Variants in CFHR5 observed in about 807,000 individuals in gnomAD.
CFHR5 encodes the protein complement factor H related 5, also known as complement factor H-related protein 5.
CFHR5 carries 73 observed loss-of-function variants against 62.9 expected under a neutral mutation model. That is an observed-to-expected ratio of 1.16 (90% CI 0.96 to 1.41). The LOEUF (loss-of-function observed/expected upper bound fraction) is 1.41. Ranked by LOEUF, CFHR5 falls within the 40% of genes most tolerant of loss-of-function variation. The probability of loss-of-function intolerance (pLI) is 0.00; values close to 1 mark genes in which losing one functional copy is unlikely to be tolerated. For missense variants in CFHR5, 779 were observed against 679.9 expected, an observed-to-expected ratio of 1.15 and a Z score of -1.62; for synonymous variants, 249 against 227.2, an observed-to-expected ratio of 1.10 and a Z score of -0.86.
chr1:196,981,065 A>G (rs991178778), intron 1 of CFHR5, among the ~76,000 whole-genome samples: 1 of 152,154 alleles, frequency 6.6e-6, no homozygotes, highest in Non-Finnish European at 1.5e-5. Context: ...GTTAAATACC[A>G]CAAGAATTAT....
rs373760214 is a variant in CFHR5, at chr1:196,991,447, T to C, written c.431-2633T>C. Among the ~76,000 whole-genome samples the C allele has an allele frequency of 4.7e-4, 72 of 152,332 alleles. 1 individual carries two copies. The East Asian group carries it at 7.5e-3, about 16-fold the overall frequency. Reference sequence around the variant, plus strand: ...TGATCCTTTGGAGGAGAAGAGACACTCTGGTTTTTAGAATTTTCAGTTTTT... The same window carrying C: ...TGATCCTTTGGAGGAGAAGAGACACCCTGGTTTTTAGAATTTTCAGTTTTT... On this transcript the variant is annotated intron_variant, in intron 3 of 9. Transcript: ENST00000256785.
intron 3 of CFHR5, among the ~76,000 whole-genome samples, chr1:196,987,096 G>A (rs542983397): frequency 6.6e-6 from 1 of 152,132 alleles, no homozygotes; most frequent in South Asian, 2.1e-4. Flanking sequence ...TTGTGGTTTT[G>A]ATTTGCATTT....
At position 196,994,191 on chromosome 1, in the gene CFHR5, G is replaced by A; in HGVS notation, c.542G>A (p.Arg181Lys). ...TTCTCCTGCAGAAAAAATCTTATAAGAGTTGGATCAGACTCAGTTCAATGT... is the reference window on the plus strand; with the variant it reads ...TTCTCCTGCAGAAAAAATCTTATAAAAGTTGGATCAGACTCAGTTCAATGT... Reference protein sequence around the residue: ...LKFSCRKNLIRVGSDSVQCYQ... With the variant: ...LKFSCRKNLIKVGSDSVQCYQ... Residue 181 changes from arginine (R) to lysine (K), a missense_variant, in exon 4 of 10, where the codon AGA becomes AAA. Arg to Lys is a conservative substitution (Grantham distance 26). Coordinates refer to ENST00000256785, the MANE Select transcript of CFHR5 (RefSeq NM_030787.4). The A allele has an allele frequency of 6.2e-7, 1 of 1,613,622 alleles. No individual in the cohort carries two copies. Among genetic ancestry groups the A allele is most frequent in the Non-Finnish European group, 8.5e-7 (1 of 1,179,752 alleles).
In CFHR5 at chr1:197,004,550, A is replaced by C; in HGVS notation, c.1331-111A>C. 3.5e-6 allele frequency: 3 copies of C among 860,534 alleles called. No individual in the cohort carries two copies. In the Admixed American group the frequency reaches 5.5e-5, roughly 16 times the overall value. The allele number at this position is 860,534 out of a possible 1,614,324, so 53.3% of individuals were successfully genotyped here. ...ACTTTATGACAGAAATACTGTAATTAATTATTTGAATTTCCAGACACCTTA... is the reference window on the plus strand; with the variant it reads ...ACTTTATGACAGAAATACTGTAATTCATTATTTGAATTTCCAGACACCTTA... On this transcript the variant is annotated intron_variant, in intron 8 of 9. Coordinates refer to ENST00000256785, the MANE Select transcript of CFHR5 (RefSeq NM_030787.4).
At chr1:196,983,827 G>A in intron 2 of CFHR5, 134 bp from the exon 3 acceptor site, 1 of 610,182 alleles carries the variant, frequency 1.6e-6, no homozygotes, top group South Asian at 2.1e-5. Context: ...TTATACGGTA[G>A]CATGACCCAA....
intron 3 of CFHR5, among the ~76,000 whole-genome samples, chr1:196,990,717 G>T (rs983330217): frequency 6.6e-6 from 1 of 152,144 alleles, no homozygotes; most frequent in African/African-American, 2.4e-5. Context: ...CTTCTGGCTT[G>T]TAGAGTTTCT....
rs201265664 is a variant in CFHR5 at position 197,002,642 on chromosome 1, G to T, written c.1308G>T (p.Trp436Cys). The T allele has an allele frequency of 1.9e-6, 3 of 1,613,200 alleles. No homozygotes were observed. The highest frequency in any genetic ancestry group is 2.5e-6 in the Non-Finnish European group (3 of 1,179,422). Residue 436 changes from tryptophan (W) to cysteine (C), a missense_variant, in exon 8 of 10, where the codon TGG (tryptophan) becomes TGT (cysteine). Coordinates refer to ENST00000256785, the MANE Select transcript of CFHR5 (RefSeq NM_030787.4). Reference sequence around the variant, plus strand: ...AAATTGTATGTAAAGATGGACGATGGCAATCATTACCACGCTGTGTTGGTT... The same window carrying T: ...AAATTGTATGTAAAGATGGACGATGTCAATCATTACCACGCTGTGTTGGTT... ...AKEIVCKDGRWQSLPRCVEST... is the reference protein window; with the variant it reads ...AKEIVCKDGRCQSLPRCVEST...
chr1:196,987,271 A>G (rs1005185328), intron 3 of CFHR5, among the ~76,000 whole-genome samples: 1 of 152,058 alleles, frequency 6.6e-6, no homozygotes, highest in Non-Finnish European at 1.5e-5. Context: ...GCCCTTTATC[A>G]GATGGGTAGA....
chr1:196,979,997 A>AT (rs959549505), intron 1 of CFHR5, among the ~76,000 whole-genome samples: 7 of 151,964 alleles, frequency 4.6e-5, no homozygotes, highest in Non-Finnish European at 8.8e-5. Flanking sequence ...ATTCTGTAAG[A>AT]TTTTTATCTT....
rs763012335 is a variant in CFHR5 at position 196,996,115 on chromosome 1, T to A, written c.884T>A (p.Val295Glu). Residue 295 changes from valine to glutamate, a missense_variant, in exon 6 of 10, where the codon GTG (valine) becomes GAG (glutamate). Val to Glu is a moderately radical substitution (Grantham distance 121). Coordinates refer to ENST00000256785, the MANE Select transcript of CFHR5 (RefSeq NM_030787.4). ...PPYQHGVSVE[V>E]NCRNEYAMIG... is the part of the protein sequence containing the mutation. ...TATCAACATGGAGTTTCAGTCGAGG[T>A]GAATTGCAGAAATGAATATGCAATG... 6.2e-7 allele frequency: 1 copy of A among 1,613,216 alleles called. No individual in the cohort carries two copies. The highest frequency in any genetic ancestry group is 8.5e-7 in the Non-Finnish European group (1 of 1,179,220).
rs903485927 is a variant in CFHR5 at position 197,009,580 on chromosome 1, T to A, written c.*897T>A. 4.6e-5 allele frequency: 7 copies of A among 152,248 alleles called. No individual in the cohort carries two copies. The highest frequency in any genetic ancestry group is 7.2e-5 in the African/African-American group (3 of 41,466). 9.4% of individuals were successfully genotyped at this position (152,248 alleles called of 1,614,324 possible). A position where few individuals can be genotyped will look rare whatever the true frequency, so the allele number is the denominator to read the frequency against. ...TGTCAACTTTTGTGGTTGTAGCAAG[T>A]ATTAATAAATATTTATAAATCCTCT... On this transcript the variant is annotated 3_prime_UTR_variant, in exon 10 of 10. Coordinates refer to ENST00000256785, the MANE Select transcript of CFHR5 (RefSeq NM_030787.4).
In CFHR5 at chr1:197,008,708, A is replaced by T; in HGVS notation, c.*25A>T. ...AAGCAAGCATAATTTTCCTGAATAT[A>T]TTCTTCAAACATCCATCTATGCTAA... On this transcript the variant is annotated 3_prime_UTR_variant, in exon 10 of 10. Coordinates refer to ENST00000256785, the MANE Select transcript of CFHR5 (RefSeq NM_030787.4). The T allele has an allele frequency of 1.9e-6, 3 of 1,574,386 alleles. No homozygotes were observed. Among genetic ancestry groups the T allele is most frequent in the Non-Finnish European group, 2.6e-6 (3 of 1,144,118 alleles).
In CFHR5 at chr1:197,008,618, A is replaced by T. The variant is rs149614133; in HGVS notation, c.1645A>T (p.Ile549Leu). The stretch of plus-strand genomic sequence containing the variant: ...GTGTAAATTCCCACATAAAGCGATG[A>T]TATCATCACCACCATTTCGAGCAAT... ...FQCKFPHKAM[I>L]SSPPFRAICQ... The change falls in exon 10 of 10, where the codon ATA becomes TTA. Residue 549 changes from isoleucine to leucine, a missense_variant. Transcript: ENST00000256785. The T allele has an allele frequency of 3.1e-6, 5 of 1,613,962 alleles. No individual in the cohort carries two copies. Among genetic ancestry groups the T allele is most frequent in the Admixed American group, 1.7e-5 (1 of 60,032 alleles).
rs1300070264 is a variant in CFHR5, at chr1:196,988,651, G to C, written c.430+4514G>C. Reference sequence around the variant, plus strand: ...ATCACGTGTTTTTGTCATTGGTTCTGTTTATGTGATGGATTACATTTATTA... The same window carrying C: ...ATCACGTGTTTTTGTCATTGGTTCTCTTTATGTGATGGATTACATTTATTA... On this transcript the variant is annotated intron_variant, in intron 3 of 9. Transcript: ENST00000256785. 2.0e-5 allele frequency among the ~76,000 whole-genome samples: 3 copies of C among 152,108 alleles called. No individual in the cohort carries two copies. In the East Asian group the frequency reaches 5.8e-4, roughly 29 times the overall value.
Position 197,000,646 on chromosome 1 carries a change from G to A in CFHR5, c.1148-1836G>A, listed in dbSNP as rs1654129554. On this transcript the variant is annotated intron_variant, in intron 7 of 9. Transcript: ENST00000256785. ...TTCAGCTTCCCTATTTCCTGGCACT[G>A]GGACATCTAGGAGGCTCATAGCAGG... 1.3e-5 allele frequency among the ~76,000 whole-genome samples: 2 copies of A among 152,254 alleles called. 1 individual carries two copies. Among genetic ancestry groups the A allele is most frequent in the South Asian group, 4.1e-4 (2 of 4,828 alleles).
chr1:197,002,363 G>A, intron 7 of CFHR5, 119 bp from the exon 8 acceptor site: 1 of 683,198 alleles, frequency 1.5e-6, no homozygotes, highest in Middle Eastern at 4.1e-4. Context: ...AAGAGAAAGT[G>A]ATAGAGAGAC....
chr1:196,982,931 T>C lies in CFHR5; in HGVS notation c.105T>C (p.Asp35=), dbSNP rs555132638. ...AAATACACCATGGATTTCTGTATGATGAAGAAGATTATAACCCTTTTTCCC... is the reference window on the plus strand; with the variant it reads ...AAATACACCATGGATTTCTGTATGACGAAGAAGATTATAACCCTTTTTCCC... ...FPKIHHGFLY[D]EEDYNPFSQV... is the part of the protein sequence containing the mutation. The change falls in exon 2 of 10, where the codon GAT becomes GAC. Residue 35 remains aspartate, a synonymous_variant. Coordinates refer to ENST00000256785, the MANE Select transcript of CFHR5 (RefSeq NM_030787.4). 1 of 1,614,126 alleles carries C rather than the reference T, an allele frequency of 6.2e-7. No individual in the cohort carries two copies. Among genetic ancestry groups the C allele is most frequent in the East Asian group, 2.2e-5 (1 of 44,864 alleles).
At chr1:196,990,033 G>T (rs966790303) in intron 3 of CFHR5, among the ~76,000 whole-genome samples, 1 of 152,084 alleles carries the variant, frequency 6.6e-6, no homozygotes, top group Admixed American at 6.6e-5. Flanking sequence ...CTAAGGACTG[G>T]CTTTATTAAT....
Position 197,004,783 on chromosome 1 carries a change from C to T in CFHR5, c.1453C>T (p.Gln485Ter), listed in dbSNP as rs1654242185. ...TYRCQSFYKL[Q>*]GSVTVTCRNK... is the part of the protein sequence containing the mutation. ...CCGTTGCCAGTCCTTCTATAAACTC[C>T]AGGGCTCTGTAACTGTAACATGCAG... Residue 485 changes from glutamine (Q) to a stop codon, truncating the protein, a stop_gained, in exon 9 of 10, where the codon CAG (glutamine) becomes TAG (stop). Coordinates refer to ENST00000256785, the MANE Select transcript of CFHR5 (RefSeq NM_030787.4). LOFTEE classifies it high-confidence loss of function. 1 of 1,613,700 alleles carries T rather than the reference C, an allele frequency of 6.2e-7. No individual in the cohort carries two copies. Among genetic ancestry groups the T allele is most frequent in the African/African-American group, 1.3e-5 (1 of 74,918 alleles).
Sources: gnomAD v4.1 joint callset for allele counts (sites outside exome capture counted in the v4.1 genomes callset) on GRCh38, gnomAD v4.1.1 for gene constraint, MANE v1.5 for transcripts, NCBI Gene and HGNC (gene_info 2026-07-23, HGNC 2026-07-21) for gene names.